MTBP: variants seen among roughly 807,000 people sequenced by gnomAD.
MTBP encodes mdm2-binding protein.
Under a neutral mutation model 117.0 loss-of-function variants are expected in MTBP, and 101 were observed. That is an observed-to-expected ratio of 0.86 (90% CI 0.73 to 1.02). The LOEUF (loss-of-function observed/expected upper bound fraction) is 1.02. MTBP is among the 50% of genes least tolerant of loss of function. The pLI is 0.00. For missense variants in MTBP, 970 were observed against 1,030.9 expected (o/e 0.94, Z 0.81); for synonymous variants, 350 against 351.5 (o/e 1.00, Z 0.05).
chr8:120,515,963 G>C lies in MTBP; in HGVS notation c.2018G>C (p.Gly673Ala). 6.2e-7 allele frequency: 1 copy of C among 1,612,780 alleles called. No homozygotes were observed. Among genetic ancestry groups the C allele is most frequent in the Non-Finnish European group, 8.5e-7 (1 of 1,179,126 alleles). Reference protein sequence around the residue: ...LDDRKALERDGGFSELQSRLI... With the variant: ...LDDRKALERDAGFSELQSRLI... ...GACCGAAAAGCTTTGGAAAGAGATG[G>C]AGGATTTTCTGAACTTCAGTCTCGT... is the stretch of plus-strand genomic sequence containing the variant. The change falls in exon 18 of 22, where the codon GGA becomes GCA. Residue 673 changes from glycine to alanine, a missense_variant. Transcript: ENST00000305949.
chr8:120,511,901 C>T (rs1299691342), intron 17 of MTBP, among the ~76,000 whole-genome samples: 1 of 152,072 alleles, frequency 6.6e-6, no homozygotes, highest in East Asian at 1.9e-4. Context: ...TTTTAACTGT[C>T]ACAATATAAA....
chr8:120,507,392 T>C (rs1814708243), intron 16 of MTBP, among the ~76,000 whole-genome samples: 1 of 152,148 alleles, frequency 6.6e-6, no homozygotes, highest in Non-Finnish European at 1.5e-5. Flanking sequence ...TCCAAGACAG[T>C]TTTCACTAAG....
chr8:120,470,553 A>T (rs960282747), intron 10 of MTBP, among the ~76,000 whole-genome samples: 1 of 152,156 alleles, frequency 6.6e-6, no homozygotes, highest in African/African-American at 2.4e-5. Flanking sequence ...TTTTTCAGAG[A>T]TGTATACCTC....
rs752025236 is a variant in MTBP, at chr8:120,517,913, A to G, written c.2309A>G (p.Tyr770Cys). Residue 770 changes from tyrosine (Y) to cysteine (C), a missense_variant, in exon 19 of 22, where the codon TAT becomes TGT. Transcript: ENST00000305949. ...CAGACAACTGGTAATAGTAATCACT[A>G]TCATCATCATGTGACATCCAGAAAG... ...LSQTTGNSNH[Y>C]HHHVTSRKPQ... 4.3e-6 allele frequency: 7 copies of G among 1,610,612 alleles called. No individual in the cohort carries two copies. Among genetic ancestry groups the G allele is most frequent in the South Asian group, 3.3e-5 (3 of 90,980 alleles).
intron 11 of MTBP, among the ~76,000 whole-genome samples, chr8:120,482,733 T>C (rs2130570317): frequency 7.0e-6 from 1 of 143,298 alleles, no homozygotes; most frequent in Admixed American, 7.2e-5. Context: ...GGAGTCTTGC[T>C]TTGTTGCCCA....
At position 120,450,999 on chromosome 8, in the gene MTBP, C is replaced by T; in HGVS notation, c.200-4C>T. Reference sequence around the variant, plus strand: ...TTTAATAATAATGTGGTTTTATTTTCAAGCCTGTTCAGTGGGAGGTATACC... The same window carrying T: ...TTTAATAATAATGTGGTTTTATTTTTAAGCCTGTTCAGTGGGAGGTATACC... On this transcript the variant is annotated splice_polypyrimidine_tract_variant and splice_region_variant and intron_variant, in intron 2 of 21. Transcript: ENST00000305949. 1 of 1,605,900 alleles carries T rather than the reference C, an allele frequency of 6.2e-7. No homozygotes were observed. Among genetic ancestry groups the T allele is most frequent in the Non-Finnish European group, 8.5e-7 (1 of 1,176,444 alleles).
rs1814769791 is a variant in MTBP at position 120,510,129 on chromosome 8, C to A, written c.1979+100C>A. The A allele has an allele frequency of 3.5e-6, 3 of 848,234 alleles. 1 individual carries two copies. Among genetic ancestry groups the A allele is most frequent in the Non-Finnish European group, 5.2e-6 (3 of 578,140 alleles). The allele number at this position is 848,234 out of a possible 1,614,324, so 52.5% of individuals were successfully genotyped here. ...AAAATGATATAAATTGAGACAGAGA[C>A]CAAGAGGATATGTCAAAAACCTCAA... On this transcript the variant is annotated intron_variant, in intron 17 of 21. Coordinates refer to ENST00000305949, the MANE Select transcript of MTBP (RefSeq NM_022045.5).
chr8:120,464,056 GT>G (rs1813637650), intron 10 of MTBP, among the ~76,000 whole-genome samples: 2 of 151,920 alleles, frequency 1.3e-5, no homozygotes, highest in South Asian at 4.1e-4. Context: ...ACATGTTATT[GT>G]TAACCTACTT....
rs367952369 is a variant in MTBP, at chr8:120,506,742, G to A, written c.1764G>A (p.Leu588=). ...GSLPHSSEQL[L]GHKEGPRDSI... ...TACCTCATTCATCTGAACAGTTGCT[G>A]GGCCACAAAGAGGGTCCTCGGGACT... Residue 588 remains leucine (L), a synonymous_variant, in exon 16 of 22, where the codon CTG becomes CTA. Coordinates refer to ENST00000305949, the MANE Select transcript of MTBP (RefSeq NM_022045.5). The A allele has an allele frequency of 2.5e-6, 4 of 1,611,972 alleles. No homozygotes were observed. The African/African-American group carries it at 5.4e-5, about 22-fold the overall frequency.
intron 12 of MTBP, among the ~76,000 whole-genome samples, chr8:120,489,573 T>C (rs1814299088): frequency 6.6e-6 from 1 of 152,232 alleles, no homozygotes. Context: ...CATCTTTATG[T>C]TGCCCCATGG....
intron 4 of MTBP, chr8:120,452,784 T>A (rs2130511412): frequency 6.7e-6 from 1 of 149,488 alleles, no homozygotes; most frequent in Admixed American, 6.7e-5. Context: ...GAGCTGAGAT[T>A]CTGCCACTGT....
intron 14 of MTBP, among the ~76,000 whole-genome samples, chr8:120,501,607 T>C (rs992756294): frequency 8.5e-5 from 13 of 152,086 alleles, no homozygotes; most frequent in African/African-American, 2.9e-4. Flanking sequence ...CTCAGTCCTC[T>C]CAAAAATATA....
At chr8:120,452,503 C>T (rs1246087554) in intron 4 of MTBP, 1 of 150,678 alleles carries the variant, frequency 6.6e-6, no homozygotes, top group Non-Finnish European at 1.5e-5. Context: ...CCCTTAAAAA[C>T]TCTTATCATC....
chr8:120,489,339 G>A (rs1814293515), intron 12 of MTBP, among the ~76,000 whole-genome samples: 1 of 152,060 alleles, frequency 6.6e-6, no homozygotes, highest in African/African-American at 2.4e-5. Flanking sequence ...GCCCGGCCTA[G>A]GCTGACTTCT....
At chr8:120,451,590 A>G (rs1813347794) in intron 4 of MTBP, 1 of 331,656 alleles carries the variant, frequency 3.0e-6, no homozygotes, top group African/African-American at 2.2e-5. Context: ...CTAATATTTT[A>G]TTTTATTTTT....
chr8:120,510,775 A>G (rs1029979547), intron 17 of MTBP, among the ~76,000 whole-genome samples: 8 of 151,918 alleles, frequency 5.3e-5, no homozygotes, highest in African/African-American at 1.5e-4. Flanking sequence ...ATAGTGGTGT[A>G]TGTGTGTGCC....
At chr8:120,520,810 AAAG>A (rs1050646912) in intron 20 of MTBP, among the ~76,000 whole-genome samples, 4 of 140,888 alleles carry the variant, frequency 2.8e-5, no homozygotes, top group African/African-American at 9.9e-5. Context: ...AGAAAAAAGA[AAAG>A]AAACTTCTGA....
rs1455214126 is a variant in MTBP at position 120,470,844 on chromosome 8, T to G, written c.1072T>G (p.Cys358Gly). ...GGTTGGTGCTCTTTTTGTATTGCCATGTACCATTAGTAACATACTGATTCC... is the reference window on the plus strand; with the variant it reads ...GGTTGGTGCTCTTTTTGTATTGCCAGGTACCATTAGTAACATACTGATTCC... The part of the protein sequence containing the change: ...SKVGALFVLP[C>G]TISNILIPPP... The change falls in exon 11 of 22, where the codon TGT becomes GGT. Residue 358 changes from cysteine (C) to glycine (G), a missense_variant. Cys to Gly is a radical substitution (Grantham distance 159). Coordinates refer to ENST00000305949, the MANE Select transcript of MTBP (RefSeq NM_022045.5). 1 of 1,610,188 alleles carries G rather than the reference T, an allele frequency of 6.2e-7. No individual in the cohort carries two copies. Among genetic ancestry groups the G allele is most frequent in the Non-Finnish European group, 8.5e-7 (1 of 1,176,834 alleles).
At chr8:120,454,004 A>G in intron 5 of MTBP, 99 bp downstream of exon 5, 1 of 631,576 alleles carries the variant, frequency 1.6e-6, no homozygotes, top group Non-Finnish European at 2.6e-6. Flanking sequence ...TCTCACTCTA[A>G]TCTTTAAATT....
Sources: gnomAD v4.1 joint callset for allele counts (sites outside exome capture counted in the v4.1 genomes callset) on GRCh38, gnomAD v4.1.1 for gene constraint, MANE v1.5 for transcripts, NCBI Gene and HGNC (gene_info 2026-07-23, HGNC 2026-07-21) for gene names.